Variants in KLHL26 observed in about 807,000 individuals in gnomAD.
The protein encoded by KLHL26 is kelch-like protein 26.
A neutral mutation model predicts 7.1 loss-of-function variants in KLHL26; 4 were observed. The ratio of observed to expected loss-of-function variants is 0.56; its 90% confidence interval spans 0.28 to 1.28. KLHL26 has a LOEUF of 1.28. Ranked by LOEUF, KLHL26 falls within the 50% of genes most tolerant of loss-of-function variation. The pLI is 0.11. For missense variants in KLHL26, 896 were observed against 924.6 expected (o/e 0.97, Z 0.40); for synonymous variants, 465 against 414.1 (o/e 1.12, Z -1.49).
chr19:18,645,172 A>C (rs1290474283), intron 1 of KLHL26, among the ~76,000 whole-genome samples: 1 of 152,098 alleles, frequency 6.6e-6, no homozygotes, highest in Admixed American at 6.5e-5. Context: ...CACAAAGGAC[A>C]CTTGTTCACC....
At chr19:18,652,566 A>C (rs2052271715) in intron 1 of KLHL26, among the ~76,000 whole-genome samples, 1 of 136,008 alleles carries the variant, frequency 7.4e-6, no homozygotes, top group South Asian at 2.4e-4. Context: ...CTCCAGCCTG[A>C]GTGACAGAGC....
At chr19:18,666,576 A>G (rs1013408584) in intron 2 of KLHL26, among the ~76,000 whole-genome samples, 1 of 151,176 alleles carries the variant, frequency 6.6e-6, no homozygotes, top group Non-Finnish European at 1.5e-5. Flanking sequence ...GTCCCCTCCC[A>G]CTCTCATGTT....
chr19:18,652,037 G>T (rs1366947067), intron 1 of KLHL26, among the ~76,000 whole-genome samples: 1 of 152,230 alleles, frequency 6.6e-6, no homozygotes, highest in African/African-American at 2.4e-5. Flanking sequence ...CCATGGCAGA[G>T]AAGGCTCTGG....
chr19:18,647,246 C>T (rs887289979), intron 1 of KLHL26, among the ~76,000 whole-genome samples: 12 of 152,188 alleles, frequency 7.9e-5, no homozygotes, highest in Admixed American at 3.3e-4. Flanking sequence ...CTGTGACCCC[C>T]GGGACGGCCT....
Position 18,669,307 on chromosome 19 carries a change from T to C in KLHL26, c.*62T>C, listed in dbSNP as rs956405106. ...TTGTCTCCAAGTGGGGCTTGGCGAA[T>C]GCACGTCTGCCTGAGAACCCCAGTG... On this transcript the variant is annotated 3_prime_UTR_variant, in exon 3 of 3. Transcript: ENST00000300976. 2.2e-6 allele frequency: 3 copies of C among 1,370,578 alleles called. No homozygotes were observed. The highest frequency in any genetic ancestry group is 2.8e-5 in the African/African-American group (2 of 70,208). The allele number at this position is 1,370,578 out of a possible 1,614,324, so 84.9% of individuals were successfully genotyped here.
In KLHL26 at chr19:18,656,694, C is replaced by T. The variant is rs2052337749; in HGVS notation, c.84-7567C>T. ...AACTCACGGCGAGCCCTGTCTGCCT[C>T]AGTAGCGCGGGGCTCTTGGAGGAGG... On this transcript the variant is annotated intron_variant, in intron 1 of 2. Transcript: ENST00000300976. The surrounding 1 kb of genome is among the most constrained non-coding windows in gnomAD (Gnocchi z 4.4). Among the ~76,000 whole-genome samples the T allele has an allele frequency of 1.1e-5, 1 of 87,434 alleles. No homozygotes were observed. The highest frequency in any genetic ancestry group is 4.6e-5 in the African/African-American group (1 of 21,766). 57.4% of individuals were successfully genotyped at this position (87,434 alleles called of 152,430 possible).
chr19:18,658,146 C>A (rs557650217), intron 1 of KLHL26, among the ~76,000 whole-genome samples: 3 of 152,122 alleles, frequency 2.0e-5, no homozygotes, highest in Admixed American at 2.0e-4. Flanking sequence ...CGCTGGGCCG[C>A]GGTGTTCCCA....
Position 18,660,317 on chromosome 19 carries a change from G to A in KLHL26, c.84-3944G>A, listed in dbSNP as rs536193981. Among the ~76,000 whole-genome samples, 177 of 152,320 alleles carry A rather than the reference G, an allele frequency of 1.2e-3. 2 individuals carry two copies. The highest frequency in any genetic ancestry group is 4.1e-3 in the African/African-American group (169 of 41,582). ...CCCTAGCCCGGGCCAGGCCTGTAGC[G>A]GGGGCGTGTGGCCACTCAGAGGCCA... On this transcript the variant is annotated intron_variant, in intron 1 of 2. Coordinates refer to ENST00000300976, the MANE Select transcript of KLHL26 (RefSeq NM_018316.3).
chr19:18,664,586 C>CTTT, intron 2 of KLHL26, 143 bp downstream of exon 2: 16 of 468,396 alleles, frequency 3.4e-5, no homozygotes, highest in South Asian at 7.7e-5. Flanking sequence ...ACCGGCTGCT[C>CTTT]TTTTTTTTTT....
chr19:18,668,402 G>A lies in KLHL26; in HGVS notation c.1005G>A (p.Glu335=). The A allele has an allele frequency of 1.2e-6, 2 of 1,606,528 alleles. No homozygotes were observed. The highest frequency in any genetic ancestry group is 1.7e-6 in the Non-Finnish European group (2 of 1,178,814). Residue 335 remains glutamate (E), a synonymous_variant, in exon 3 of 3, where the codon GAG becomes GAA. Coordinates refer to ENST00000300976, the MANE Select transcript of KLHL26 (RefSeq NM_018316.3). ...SVSSKVYQLP[E]PGARHFRELT... is the part of the protein sequence containing the mutation. ...GCAGCAAGGTCTACCAGCTGCCTGA[G>A]CCGGGAGCCCGCCACTTCCGCGAGC...
chr19:18,667,718 G>A lies in KLHL26; in HGVS notation c.321G>A (p.Lys107=), dbSNP rs2052464746. The change falls in exon 3 of 3, where the codon AAG becomes AAA. Residue 107 remains lysine (K), a synonymous_variant. Transcript: ENST00000300976. ...CAAGCCAGGACGTCATCGAGCTGAA[G>A]GGCGTGTCGGCCCGTGGCCTGCGGC... is the stretch of plus-strand genomic sequence containing the variant. The part of the protein sequence containing the change: ...REASQDVIEL[K]GVSARGLRHI... 3.1e-6 allele frequency: 5 copies of A among 1,613,164 alleles called. No individual in the cohort carries two copies. The South Asian group carries it at 4.4e-5, about 14-fold the overall frequency.
At chr19:18,639,599 G>A (rs1274039210) in intron 1 of KLHL26, among the ~76,000 whole-genome samples, 5 of 150,282 alleles carry the variant, frequency 3.3e-5, no homozygotes, top group Admixed American at 1.3e-4. Flanking sequence ...TAGTAGAGAC[G>A]GGGTTTTGCC....
chr19:18,638,850 A>C (rs566614036), intron 1 of KLHL26, among the ~76,000 whole-genome samples: 1 of 149,846 alleles, frequency 6.7e-6, no homozygotes, highest in African/African-American at 2.5e-5. Context: ...ACAGGTGTGC[A>C]CCACCACACT....
chr19:18,655,403 A>G (rs1460651738), intron 1 of KLHL26, among the ~76,000 whole-genome samples: 1 of 152,208 alleles, frequency 6.6e-6, no homozygotes, highest in Non-Finnish European at 1.5e-5. Flanking sequence ...GGAGAGGTCG[A>G]CCAGCACCCG....
chr19:18,642,148 A>G (rs1353437449), intron 1 of KLHL26, among the ~76,000 whole-genome samples: 1 of 152,096 alleles, frequency 6.6e-6, no homozygotes, highest in Non-Finnish European at 1.5e-5. Context: ...TCTTTGTAGC[A>G]TTGTTCGTCT....
In KLHL26 at chr19:18,646,025, C is replaced by T. The variant is rs530759634; in HGVS notation, c.83+8888C>T. On this transcript the variant is annotated intron_variant, in intron 1 of 2. Coordinates refer to ENST00000300976, the MANE Select transcript of KLHL26 (RefSeq NM_018316.3). The surrounding 1 kb of genome is among the most constrained non-coding windows in gnomAD (Gnocchi z 5.0). The stretch of plus-strand genomic sequence containing the variant: ...GAGGCCTTGGAAGGGTCCAGCCCCC[C>T]AGCTCCTGCTAGGAAGACTTAGGGG... 6.6e-6 allele frequency among the ~76,000 whole-genome samples: 1 copy of T among 152,146 alleles called. No homozygotes were observed. Among genetic ancestry groups the T allele is most frequent in the Non-Finnish European group, 1.5e-5 (1 of 68,004 alleles).
intron 1 of KLHL26, among the ~76,000 whole-genome samples, chr19:18,643,625 T>C (rs1230754535): frequency 6.6e-6 from 1 of 151,714 alleles, no homozygotes; most frequent in Non-Finnish European, 1.5e-5. Flanking sequence ...ATTACAGACA[T>C]GTGCCACCAT....
chr19:18,659,021 G>A (rs1215459605), intron 1 of KLHL26, among the ~76,000 whole-genome samples: 2 of 151,238 alleles, frequency 1.3e-5, no homozygotes, highest in Non-Finnish European at 2.9e-5. Flanking sequence ...CTGCGTCCCT[G>A]TTCCCCTCTG....
At chr19:18,645,519 G>C (rs1976786717) in intron 1 of KLHL26, among the ~76,000 whole-genome samples, 1 of 152,100 alleles carries the variant, frequency 6.6e-6, no homozygotes, top group Admixed American at 6.5e-5. Flanking sequence ...ATTTGCATAA[G>C]AAGTGGTGGC....
Sources: allele counts gnomAD v4.1 joint callset (sites outside exome capture counted in the v4.1 genomes callset), GRCh38; gene constraint gnomAD v4.1.1; non-coding constraint Gnocchi (gnomAD v3.1); transcripts MANE v1.5; gene names NCBI Gene and HGNC (gene_info 2026-07-23, HGNC 2026-07-21).